The following CPEB4 variants were observed in gnomAD, a reference collection of about 807,000 sequenced individuals.
The protein encoded by CPEB4 is cytoplasmic polyadenylation element-binding protein 4.
CPEB4 carries 12 observed loss-of-function variants against 72.5 expected under a neutral mutation model. The observed-to-expected ratio is 0.17, with a 90% CI of 0.11 to 0.27. CPEB4 has a LOEUF of 0.27. CPEB4 is among the 10% of genes least tolerant of loss of function. The pLI, the probability that CPEB4 is intolerant of heterozygous loss-of-function variation, is 1.00. For missense variants in CPEB4, 614 were observed against 908.5 expected, an observed-to-expected ratio of 0.68 and a Z score of 4.17; for synonymous variants, 302 against 326.3, an observed-to-expected ratio of 0.93 and a Z score of 0.80.
At chr5:173,932,330 A>G (rs1757475944) in intron 2 of CPEB4, 120 bp from the exon 3 acceptor site, 2 of 636,084 alleles carry the variant, frequency 3.1e-6, no homozygotes, top group Non-Finnish European at 5.4e-6. Context: ...GCTGATTGAT[A>G]TATCCTCTGA....
chr5:173,902,850 C>T (rs183941826), intron 1 of CPEB4, among the ~76,000 whole-genome samples: 21 of 152,184 alleles, frequency 1.4e-4, no homozygotes, highest in Admixed American at 6.5e-4. Flanking sequence ...AGCCATAATT[C>T]TATAAAAGCA....
rs2113316567 is a variant in CPEB4 at position 173,958,303 on chromosome 5, A to C, written c.*2166A>C. ...CTTTTGTATATCTTGTTTTTCCAACAGTGAACATTTTTAGGCACACTTTTC... is the reference window on the plus strand; with the variant it reads ...CTTTTGTATATCTTGTTTTTCCAACCGTGAACATTTTTAGGCACACTTTTC... On this transcript the variant is annotated 3_prime_UTR_variant, in exon 10 of 10. Coordinates refer to ENST00000265085, the MANE Select transcript of CPEB4 (RefSeq NM_030627.4). 1 of 152,924 alleles carries C rather than the reference A, an allele frequency of 6.5e-6. No homozygotes were observed. Among genetic ancestry groups the C allele is most frequent in the East Asian group, 1.9e-4 (1 of 5,326 alleles). The allele number at this position is 152,924 out of a possible 1,614,324, so 9.5% of individuals were successfully genotyped here. A position where few individuals can be genotyped will look rare whatever the true frequency, so the allele number is the denominator to read the frequency against.
At chr5:173,901,118 CA>C in intron 1 of CPEB4, among the ~76,000 whole-genome samples, 1 of 152,138 alleles carries the variant, frequency 6.6e-6, no homozygotes, top group Non-Finnish European at 1.5e-5. Context: ...TTTTTTAATA[CA>C]AATAAGTGAT....
chr5:173,915,296 G>C (rs1756826140), intron 2 of CPEB4, among the ~76,000 whole-genome samples: 1 of 151,868 alleles, frequency 6.6e-6, no homozygotes, highest in Admixed American at 6.5e-5. Flanking sequence ...ATTCGTATTA[G>C]GTTTTTTTAT....
chr5:173,926,891 G>A (rs1196381762), intron 2 of CPEB4, among the ~76,000 whole-genome samples: 1 of 152,200 alleles, frequency 6.6e-6, no homozygotes, highest in Non-Finnish European at 1.5e-5. Flanking sequence ...GCTCATGCCT[G>A]TAATCCCAGC....
At chr5:173,931,238 T>G (rs1757436545) in intron 2 of CPEB4, among the ~76,000 whole-genome samples, 1 of 152,214 alleles carries the variant, frequency 6.6e-6, no homozygotes, top group Non-Finnish European at 1.5e-5. Flanking sequence ...ATGTTAGCTC[T>G]GGTTCCCAGA....
In CPEB4 at chr5:173,892,025, C is replaced by T. The variant is rs61120181; in HGVS notation, c.1125+1167C>T. The stretch of plus-strand genomic sequence containing the variant: ...AAATATGTATACATACATGTGTGCA[C>T]GTACACATGTGCTACAGCTAGAGGG... On this transcript the variant is annotated intron_variant, in intron 1 of 9. Transcript: ENST00000265085. 3.8e-3 allele frequency among the ~76,000 whole-genome samples: 573 copies of T among 151,522 alleles called. 4 individuals carry two copies. Among genetic ancestry groups the T allele is most frequent in the African/African-American group, 0.013 (527 of 41,292 alleles).
At position 173,956,344 on chromosome 5, in the gene CPEB4, G is replaced by A. The variant is rs1320166890; in HGVS notation, c.*207G>A. 2.1e-6 allele frequency: 1 copy of A among 468,736 alleles called. No homozygotes were observed. The allele number at this position is 468,736 out of a possible 1,614,324, so 29.0% of individuals were successfully genotyped here. On this transcript the variant is annotated 3_prime_UTR_variant, in exon 10 of 10. Transcript: ENST00000265085. ...ACAATATGAACTCCTTTTTCGTATT[G>A]CCATCGGGTTGCATGGAAGTTTTAT...
chr5:173,954,213 A>G (rs560166116), intron 9 of CPEB4, among the ~76,000 whole-genome samples: 42 of 152,302 alleles, frequency 2.8e-4, no homozygotes, highest in African/African-American at 1.0e-3. Context: ...AGTCAGTAGC[A>G]GTTTTTGCTT....
chr5:173,918,614 A>G (rs13158719), intron 2 of CPEB4, among the ~76,000 whole-genome samples: 1 of 152,204 alleles, frequency 6.6e-6, no homozygotes, highest in Non-Finnish European at 1.5e-5. Context: ...AATGGAAACC[A>G]ACTCAGTTCA....
At chr5:173,941,989 G>C (rs995153240) in intron 3 of CPEB4, among the ~76,000 whole-genome samples, 34 of 152,312 alleles carry the variant, frequency 2.2e-4, no homozygotes, top group African/African-American at 7.9e-4. Flanking sequence ...CAGCACCCCT[G>C]CGTGTAACGC....
chr5:173,942,733 T>C (rs1292267092), intron 3 of CPEB4, among the ~76,000 whole-genome samples: 2 of 152,246 alleles, frequency 1.3e-5, no homozygotes, highest in Non-Finnish European at 2.9e-5. Flanking sequence ...TATACTGCCT[T>C]AGTTTCATAA....
At chr5:173,954,111 A>G (rs1034816842) in intron 9 of CPEB4, among the ~76,000 whole-genome samples, 1 of 152,194 alleles carries the variant, frequency 6.6e-6, no homozygotes, top group African/African-American at 2.4e-5. Flanking sequence ...ACTTTCATGC[A>G]TGCTGACTTT....
At chr5:173,909,247 ATTTTGTTTTG>A (rs1004171949) in intron 1 of CPEB4, among the ~76,000 whole-genome samples, 5 of 152,108 alleles carry the variant, frequency 3.3e-5, no homozygotes, top group South Asian at 2.1e-4. Context: ...AAGAATTGAG[ATTTTGTTTTG>A]TTTTGTTTTG....
At chr5:173,893,492 G>A (rs1755890612) in intron 1 of CPEB4, among the ~76,000 whole-genome samples, 1 of 151,932 alleles carries the variant, frequency 6.6e-6, no homozygotes, top group African/African-American at 2.4e-5. Flanking sequence ...TTAATTTTAG[G>A]AAAGAAATTT....
chr5:173,899,766 G>T (rs943329155), intron 1 of CPEB4, among the ~76,000 whole-genome samples: 5 of 152,154 alleles, frequency 3.3e-5, no homozygotes, highest in African/African-American at 7.2e-5. Flanking sequence ...GAGGTTTGGG[G>T]TCCCTTGCAG....
Position 173,949,548 on chromosome 5 carries a change from T to C in CPEB4, c.1497T>C (p.Ile499=). ...TASFRRFGPL[I]VDWPHKAESK... ...GTTTTCGTCGCTTTGGCCCTCTGAT[T>C]GTGGATTGGCCTCATAAAGCTGAGA... Residue 499 remains isoleucine, a synonymous_variant, in exon 6 of 10, where the codon ATT becomes ATC. Coordinates refer to ENST00000265085, the MANE Select transcript of CPEB4 (RefSeq NM_030627.4). The C allele has an allele frequency of 6.2e-7, 1 of 1,613,798 alleles. No individual in the cohort carries two copies. Among genetic ancestry groups the C allele is most frequent in the South Asian group, 1.1e-5 (1 of 91,050 alleles).
At chr5:173,918,349 C>G (rs144085961) in intron 2 of CPEB4, 1 of 152,202 alleles carries the variant, frequency 6.6e-6, no homozygotes, top group African/African-American at 2.4e-5. Context: ...TGAACAACTG[C>G]CTGCTTTCTG....
chr5:173,918,231 T>C (rs1384222678), intron 2 of CPEB4: 1 of 152,250 alleles, frequency 6.6e-6, no homozygotes, highest in Non-Finnish European at 1.5e-5. Context: ...TGCTGTAGGA[T>C]GGGACCTGGG....
Sources: allele counts gnomAD v4.1 joint callset (sites outside exome capture counted in the v4.1 genomes callset), GRCh38; gene constraint gnomAD v4.1.1; transcripts MANE v1.5; gene names NCBI Gene and HGNC (gene_info 2026-07-23, HGNC 2026-07-21).